The following DAB2IP variants were observed in gnomAD, a reference collection of about 807,000 sequenced individuals.
DAB2IP encodes DAB2 interacting protein, also known as disabled homolog 2-interacting protein.
In DAB2IP, 28 loss-of-function variants were observed where a neutral mutation model predicts 107.2. The observed-to-expected ratio is 0.26, with a 90% CI of 0.19 to 0.36. The LOEUF (loss-of-function observed/expected upper bound fraction) is 0.36, where lower values mean the gene tolerates loss of function less well. DAB2IP is among the 10% of genes least tolerant of loss of function. The pLI is 1.00. For missense variants in DAB2IP, 1,400 were observed against 1,644.7 expected (o/e 0.85, Z 2.57); for synonymous variants, 755 against 706.4 (o/e 1.07, Z -1.09).
At chr9:121,603,318 C>A (rs1030307551) in intron 1 of DAB2IP, among the ~76,000 whole-genome samples, 2 of 152,188 alleles carry the variant, frequency 1.3e-5, no homozygotes, top group African/African-American at 2.4e-5. Context: ...GTGGAGGAAT[C>A]GCCTGCATAG....
intron 2 of DAB2IP, among the ~76,000 whole-genome samples, chr9:121,692,649 TAGAGG>T (rs1411954682): frequency 8.5e-5 from 13 of 152,342 alleles, no homozygotes; most frequent in Admixed American, 5.2e-4. Context: ...TATGAGATTG[TAGAGG>T]ATTCTGTGGG....
intron 3 of DAB2IP, among the ~76,000 whole-genome samples, chr9:121,743,382 A>G (rs1832483746): frequency 1.3e-5 from 2 of 152,058 alleles, no homozygotes. Flanking sequence ...AATCTTCCTC[A>G]GAAGCCGAGG....
intron 1 of DAB2IP, among the ~76,000 whole-genome samples, chr9:121,644,642 A>T (rs1832477634): frequency 6.6e-6 from 1 of 152,164 alleles, no homozygotes; most frequent in South Asian, 2.1e-4. Flanking sequence ...GAGAGAAAAG[A>T]AAAGAAAAAG....
intron 3 of DAB2IP, among the ~76,000 whole-genome samples, chr9:121,717,500 A>T (rs1017386855): frequency 1.3e-5 from 2 of 152,218 alleles, no homozygotes; most frequent in Non-Finnish European, 1.5e-5. Context: ...GGGCAGATTC[A>T]CTCGGGTCAC....
At chr9:121,588,861 AC>A (rs1331218198) in intron 1 of DAB2IP, among the ~76,000 whole-genome samples, 1 of 151,198 alleles carries the variant, frequency 6.6e-6, no homozygotes, top group African/African-American at 2.4e-5. Flanking sequence ...AGCAGAGGCA[AC>A]CCCCAAGAGC....
chr9:121,727,343 G>A (rs1484117553), intron 3 of DAB2IP, among the ~76,000 whole-genome samples: 2 of 152,164 alleles, frequency 1.3e-5, no homozygotes, highest in Non-Finnish European at 2.9e-5. Context: ...TGTCAAATGG[G>A]GACAAAAAGT....
At chr9:121,720,250 G>A (rs981999220) in intron 3 of DAB2IP, among the ~76,000 whole-genome samples, 2 of 152,180 alleles carry the variant, frequency 1.3e-5, no homozygotes, top group Non-Finnish European at 2.9e-5. Context: ...GTGCCTCATT[G>A]AGTGGCAGAT....
Position 121,698,296 on chromosome 9 carries a change from C to A in DAB2IP, c.229-1029C>A, listed in dbSNP as rs1346553858. Among the ~76,000 whole-genome samples the A allele has an allele frequency of 2.0e-5, 3 of 152,138 alleles. No individual in the cohort carries two copies. Among genetic ancestry groups the A allele is most frequent in the African/African-American group, 7.2e-5 (3 of 41,416 alleles). On this transcript the variant is annotated intron_variant, in intron 2 of 15. Transcript: ENST00000408936. The surrounding 1 kb of genome is among the most constrained non-coding windows in gnomAD (Gnocchi z 4.1). The stretch of plus-strand genomic sequence containing the variant: ...CCTCAAGCTGCCTGTAGTTTCCAAG[C>A]CCGGCAGGACACAGGCTGTGTCCCC...
intron 3 of DAB2IP, among the ~76,000 whole-genome samples, chr9:121,745,188 G>A (rs1048492623): frequency 2.0e-5 from 3 of 152,202 alleles, no homozygotes; most frequent in African/African-American, 7.2e-5. Context: ...AGTTAGCTGT[G>A]TGAGGGTCAG....
chr9:121,598,904 A>G (rs1344264272), intron 1 of DAB2IP, among the ~76,000 whole-genome samples: 1 of 152,188 alleles, frequency 6.6e-6, no homozygotes, highest in Non-Finnish European at 1.5e-5. Flanking sequence ...ACGCTTTAAT[A>G]TTCAGTCACG....
In DAB2IP at chr9:121,684,699, TC is replaced by T. The variant is rs1332204336; in HGVS notation, c.228+5920del. 6.6e-6 allele frequency among the ~76,000 whole-genome samples: 1 copy of T among 152,144 alleles called. No individual in the cohort carries two copies. The highest frequency in any genetic ancestry group is 2.4e-5 in the African/African-American group (1 of 41,434). ...CCCGCTGCCCCCCATTTGTGCCCCTTCCAAGCTACGGAGGCTCCGGGTGGCT... is the reference window on the plus strand; with the variant it reads ...CCCGCTGCCCCCCATTTGTGCCCCTTCAAGCTACGGAGGCTCCGGGTGGCT... On this transcript the variant is annotated intron_variant, in intron 2 of 15. Transcript: ENST00000408936. The surrounding 1 kb of genome is among the most constrained non-coding windows in gnomAD (Gnocchi z 4.0).
intron 1 of DAB2IP, among the ~76,000 whole-genome samples, chr9:121,625,995 G>C (rs952628966): frequency 6.6e-6 from 1 of 152,076 alleles, no homozygotes; most frequent in Non-Finnish European, 1.5e-5. Flanking sequence ...TGGCATTTGC[G>C]TTTGTGATTC....
chr9:121,772,505 G>GCC lies in DAB2IP; in HGVS notation c.2079-99_2079-98dup, dbSNP rs1834834391. 1 of 1,328,564 alleles carries GCC rather than the reference G, an allele frequency of 7.5e-7. No individual in the cohort carries two copies. The highest frequency in any genetic ancestry group is 1.5e-5 in the African/African-American group (1 of 68,208). 82.3% of individuals were successfully genotyped at this position (1,328,564 alleles called of 1,614,324 possible). ...CCCCAGCGCTGGCTCAGGCTGCCAG[G>GCC]CCCCGGCAGGTTGGCGGGTGCTGTC... On this transcript the variant is annotated intron_variant, in intron 11 of 15. Transcript: ENST00000408936. The surrounding 1 kb of genome is among the most constrained non-coding windows in gnomAD (Gnocchi z 4.7).
intron 1 of DAB2IP, among the ~76,000 whole-genome samples, chr9:121,569,296 A>G (rs1829878747): frequency 6.6e-6 from 1 of 152,226 alleles, no homozygotes; most frequent in Non-Finnish European, 1.5e-5. Flanking sequence ...TTCAAGAACA[A>G]ATCAAACTTT....
chr9:121,630,214 A>G (rs1831823075), intron 1 of DAB2IP, among the ~76,000 whole-genome samples: 1 of 152,250 alleles, frequency 6.6e-6, no homozygotes, highest in African/African-American at 2.4e-5. Context: ...AATAGTTATT[A>G]GCCCCAGATC....
intron 1 of DAB2IP, among the ~76,000 whole-genome samples, chr9:121,661,212 C>T (rs761059875): frequency 2.0e-5 from 3 of 149,566 alleles, no homozygotes; most frequent in African/African-American, 5.0e-5. Flanking sequence ...CAGGAGAAGG[C>T]GAGAAAGGTG....
chr9:121,779,087 TGTTTCTTCTCTTTGATA>T (rs899425806), intron 14 of DAB2IP, among the ~76,000 whole-genome samples: 1 of 152,200 alleles, frequency 6.6e-6, no homozygotes, highest in Non-Finnish European at 1.5e-5. Flanking sequence ...ATTTTTTTTC[TGTTTCTTCTCTTTGATA>T]GTTTCTATGA....
intron 8 of DAB2IP, among the ~76,000 whole-genome samples, chr9:121,765,558 G>T (rs960888945): frequency 1.3e-5 from 2 of 152,202 alleles, no homozygotes; most frequent in African/African-American, 4.8e-5. Flanking sequence ...ATGGCTCTGT[G>T]AGCTTGGCAG....
chr9:121,587,045 C>G (rs1218011563), intron 1 of DAB2IP, among the ~76,000 whole-genome samples: 1 of 152,284 alleles, frequency 6.6e-6, no homozygotes, highest in Middle Eastern at 3.4e-3. Flanking sequence ...AAGGGTGTTT[C>G]TGATGCTTTC....
Sources: gnomAD v4.1 joint callset for allele counts (sites outside exome capture counted in the v4.1 genomes callset) on GRCh38, gnomAD v4.1.1 for gene constraint, Gnocchi (gnomAD v3.1) non-coding constraint, MANE v1.5 for transcripts, NCBI Gene and HGNC (gene_info 2026-07-23, HGNC 2026-07-21) for gene names.